MAPK4: variants seen among roughly 807,000 people sequenced by gnomAD.
MAPK4 encodes the protein Erk3-related.
Under a neutral mutation model 47.7 loss-of-function variants are expected in MAPK4, and 22 were observed. The ratio of observed to expected loss-of-function variants is 0.46; its 90% CI spans 0.33 to 0.66. MAPK4 has a LOEUF of 0.66. Ranked by LOEUF, MAPK4 falls within the 30% of genes least tolerant of loss-of-function variation. The pLI is 0.02. For synonymous variants in MAPK4, 390 were observed against 365.7 expected (o/e 1.07, Z -0.76); for missense variants, 736 against 831.7 (o/e 0.88, Z 1.42).
rs1255410504 is a variant in MAPK4 at position 50,729,763 on chromosome 18, A to G, written c.1673A>G (p.Asp558Gly). 7.4e-6 allele frequency: 12 copies of G among 1,611,346 alleles called. No homozygotes were observed. Among genetic ancestry groups the G allele is most frequent in the Non-Finnish European group, 8.5e-6 (10 of 1,179,460 alleles). Residue 558 changes from aspartate to glycine, a missense_variant, in exon 6 of 6, where the codon GAC becomes GGC. Physicochemically the swap from Asp to Gly is moderately conservative, Grantham distance 94. This residue lies in a region of MAPK4 where 377 missense variants were observed against 378.6 expected (regional missense o/e 1.00). Coordinates refer to ENST00000400384, the MANE Select transcript of MAPK4 (RefSeq NM_002747.4). ...TGCACCAAGCCCGAGGACCTGCCGG[A>G]CAATAAACTGGGCGACCTCAATGGT... ...KLCTKPEDLP[D>G]NKLGDLNGAC...
intron 2 of MAPK4, among the ~76,000 whole-genome samples, chr18:50,695,478 G>A (rs1909465186): frequency 6.6e-6 from 1 of 151,840 alleles, no homozygotes; most frequent in Admixed American, 6.6e-5. Flanking sequence ...TACCTTTCTA[G>A]CCCTGTTTTC....
At chr18:50,650,494 C>T (rs915683229) in intron 1 of MAPK4, among the ~76,000 whole-genome samples, 1 of 152,208 alleles carries the variant, frequency 6.6e-6, no homozygotes, top group African/African-American at 2.4e-5. Flanking sequence ...GTGATTTATT[C>T]ACTGTCTTGG....
At chr18:50,606,214 G>A (rs1040157092) in intron 1 of MAPK4, among the ~76,000 whole-genome samples, 19 of 152,078 alleles carry the variant, frequency 1.2e-4, no homozygotes, top group Non-Finnish European at 8.8e-5. Flanking sequence ...TTTTGATGGC[G>A]ATTTGACAGA....
At chr18:50,674,409 G>A (rs951843517) in intron 2 of MAPK4, among the ~76,000 whole-genome samples, 10 of 152,218 alleles carry the variant, frequency 6.6e-5, no homozygotes, top group African/African-American at 2.2e-4. Context: ...TGTGGGCATC[G>A]CATTGCTGTG....
intron 2 of MAPK4, among the ~76,000 whole-genome samples, chr18:50,666,446 G>A (rs192406536): frequency 6.6e-6 from 1 of 152,300 alleles, no homozygotes; most frequent in East Asian, 1.9e-4. Context: ...AAAGCAGTCA[G>A]GACTGCATCC....
At chr18:50,638,348 C>G (rs1479905301) in intron 1 of MAPK4, among the ~76,000 whole-genome samples, 1 of 152,162 alleles carries the variant, frequency 6.6e-6, no homozygotes, top group East Asian at 1.9e-4. Flanking sequence ...ATATTTTATC[C>G]AAGGACGTGA....
intron 1 of MAPK4, among the ~76,000 whole-genome samples, chr18:50,608,930 G>A (rs891997148): frequency 9.9e-5 from 15 of 151,766 alleles, no homozygotes; most frequent in Admixed American, 5.3e-4. Flanking sequence ...GACTCTTAAC[G>A]AGCATGCTGC....
intron 1 of MAPK4, among the ~76,000 whole-genome samples, chr18:50,640,474 T>C (rs1300381571): frequency 2.0e-5 from 3 of 152,214 alleles, no homozygotes; most frequent in East Asian, 3.8e-4. Context: ...TCTTTTCTTT[T>C]CTTTTTTTTG....
intron 1 of MAPK4, among the ~76,000 whole-genome samples, chr18:50,588,394 T>C (rs1371973730): frequency 2.0e-5 from 3 of 152,168 alleles, no homozygotes; most frequent in African/African-American, 7.2e-5. Context: ...ACATCTTTCA[T>C]AGAGACTGGC....
intron 1 of MAPK4, among the ~76,000 whole-genome samples, chr18:50,570,252 A>G (rs2042238035): frequency 6.6e-6 from 1 of 152,252 alleles, no homozygotes; most frequent in South Asian, 2.1e-4. Context: ...ATATATTTCA[A>G]CTAACTGGAC....
At chr18:50,667,449 A>G (rs1021186385) in intron 2 of MAPK4, among the ~76,000 whole-genome samples, 1 of 152,222 alleles carries the variant, frequency 6.6e-6, no homozygotes, top group Admixed American at 6.5e-5. Context: ...TACTTCTTCC[A>G]GACAGTAGGT....
chr18:50,670,872 C>G (rs370159854), intron 2 of MAPK4, among the ~76,000 whole-genome samples: 4 of 152,150 alleles, frequency 2.6e-5, no homozygotes, highest in African/African-American at 9.7e-5. Flanking sequence ...GGTTCCATCT[C>G]AAACAACAGC....
chr18:50,591,336 C>T (rs993033023), intron 1 of MAPK4, among the ~76,000 whole-genome samples: 3 of 152,088 alleles, frequency 2.0e-5, no homozygotes, highest in African/African-American at 4.8e-5. Flanking sequence ...AAACTGGGAC[C>T]TGGGCCTCCC....
chr18:50,603,289 T>C (rs1190971975), intron 1 of MAPK4, among the ~76,000 whole-genome samples: 4 of 152,160 alleles, frequency 2.6e-5, no homozygotes, highest in Non-Finnish European at 5.9e-5. Flanking sequence ...TCCATCTCCC[T>C]GGTGTGTCTT....
rs942817530 is a variant in MAPK4, at chr18:50,695,083, C to T, written c.547-19996C>T. On this transcript the variant is annotated intron_variant, in intron 2 of 5. Transcript: ENST00000400384. The stretch of plus-strand genomic sequence containing the variant: ...GACTCAGGCCAGGCACGGTGGCTCA[C>T]GCCTATAATACCAGCACTTTGGGAG... Among the ~76,000 whole-genome samples, 7 of 152,068 alleles carry T rather than the reference C, an allele frequency of 4.6e-5. No individual in the cohort carries two copies. In the East Asian group the frequency reaches 1.2e-3, roughly 25 times the overall value.
chr18:50,715,358 A>C, intron 3 of MAPK4, 135 bp downstream of exon 3: 1 of 1,065,764 alleles, frequency 9.4e-7, no homozygotes, highest in Admixed American at 3.1e-5. Context: ...TTATGACACT[A>C]TTTGGAGGCA....
intron 1 of MAPK4, among the ~76,000 whole-genome samples, chr18:50,625,167 C>T (rs540132316): frequency 6.6e-6 from 1 of 151,750 alleles, no homozygotes; most frequent in African/African-American, 2.4e-5. Flanking sequence ...CCCGAGCTTT[C>T]TCAGGGCACA....
chr18:50,571,767 T>C (rs966380285), intron 1 of MAPK4, among the ~76,000 whole-genome samples: 1 of 152,196 alleles, frequency 6.6e-6, no homozygotes, highest in African/African-American at 2.4e-5. Flanking sequence ...GCCTTTTCAA[T>C]AACATATGTG....
At chr18:50,687,048 T>C (rs1221547351) in intron 2 of MAPK4, among the ~76,000 whole-genome samples, 2 of 152,260 alleles carry the variant, frequency 1.3e-5, no homozygotes, top group African/African-American at 4.8e-5. Context: ...TAACTTAGAA[T>C]TCACATACCT....
Sources: allele counts gnomAD v4.1 joint callset (sites outside exome capture counted in the v4.1 genomes callset), GRCh38; gene constraint gnomAD v4.1.1; regional missense constraint gnomAD v4.1.1; transcripts MANE v1.5; gene names NCBI Gene and HGNC (gene_info 2026-07-23, HGNC 2026-07-21).